The following IFTAP variants were observed in gnomAD, a reference collection of about 807,000 sequenced individuals.
IFTAP encodes intraflagellar transport associated protein, also known as intraflagellar transport-associated protein.
Under a neutral mutation model 19.4 loss-of-function variants are expected in IFTAP, and 19 were observed. The observed-to-expected ratio is 0.98, with a 90% CI of 0.68 to 1.44. The LOEUF is 1.44. Among genes scored for constraint, IFTAP ranks in the 40% most tolerant of loss-of-function variants. IFTAP has a pLI of 0.00. For missense variants in IFTAP, 240 were observed against 253.6 expected, an observed-to-expected ratio of 0.95 and a Z score of 0.36; for synonymous variants, 85 against 83.5, an observed-to-expected ratio of 1.02 and a Z score of -0.10.
chr11:36,607,533 T>C (rs1287845249), intron 1 of IFTAP, among the ~76,000 whole-genome samples: 2 of 152,086 alleles, frequency 1.3e-5, no homozygotes, highest in Non-Finnish European at 2.9e-5. Flanking sequence ...AAGGCATAAG[T>C]ACTCTCATGT....
At chr11:36,643,307 T>C (rs1213730510) in intron 4 of IFTAP, among the ~76,000 whole-genome samples, 1 of 152,150 alleles carries the variant, frequency 6.6e-6, no homozygotes, top group East Asian at 1.9e-4. Context: ...GAAGGACCTC[T>C]TCAAGGAGAA....
chr11:36,650,214 A>G (rs1715961183), intron 5 of IFTAP, among the ~76,000 whole-genome samples: 1 of 152,116 alleles, frequency 6.6e-6, no homozygotes, highest in South Asian at 2.1e-4. Flanking sequence ...CTGAAAGGCC[A>G]TTTTGGGATT....
chr11:36,634,612 A>G (rs1236712455), intron 3 of IFTAP, among the ~76,000 whole-genome samples: 1 of 152,064 alleles, frequency 6.6e-6, no homozygotes, highest in African/African-American at 2.4e-5. Flanking sequence ...GCCAAAAAGT[A>G]TTTTTTCAGA....
intron 4 of IFTAP, among the ~76,000 whole-genome samples, chr11:36,639,884 C>T (rs1030064223): frequency 2.6e-5 from 4 of 152,164 alleles, no homozygotes; most frequent in Non-Finnish European, 5.9e-5. Flanking sequence ...ATGATCACAT[C>T]GGTTACCTCT....
At chr11:36,601,636 TTTA>T (rs1250508578) in intron 1 of IFTAP, among the ~76,000 whole-genome samples, 2 of 152,142 alleles carry the variant, frequency 1.3e-5, no homozygotes, top group Non-Finnish European at 2.9e-5. Flanking sequence ...TGTGATTCTT[TTTA>T]TTTTTTATTT....
intron 5 of IFTAP, among the ~76,000 whole-genome samples, chr11:36,651,878 T>A (rs928726745): frequency 3.9e-5 from 6 of 152,222 alleles, no homozygotes. Flanking sequence ...TGTGGTATTA[T>A]TTCTGAGGGC....
rs569164982 is a variant in IFTAP at position 36,644,564 on chromosome 11, G to A, written c.359-3452G>A. ...CACATGCACACGTATGTTCATTGTG[G>A]CACTATTCACAATAGCAAAGAGTTG... On this transcript the variant is annotated intron_variant, in intron 4 of 5. Transcript: ENST00000334307. 3.5e-3 allele frequency among the ~76,000 whole-genome samples: 537 copies of A among 152,166 alleles called. 2 individuals are homozygous for A. Among genetic ancestry groups the A allele is most frequent in the African/African-American group, 0.012 (508 of 41,524 alleles).
intron 2 of IFTAP, among the ~76,000 whole-genome samples, chr11:36,633,057 G>A (rs1852789261): frequency 6.6e-6 from 1 of 151,212 alleles, no homozygotes; most frequent in Admixed American, 6.6e-5. Flanking sequence ...TGCTGGATAT[G>A]TAATAGGCAC....
At chr11:36,622,150 CAT>C (rs1292504973) in intron 2 of IFTAP, among the ~76,000 whole-genome samples, 1 of 145,732 alleles carries the variant, frequency 6.9e-6, no homozygotes, top group Non-Finnish European at 1.5e-5. Context: ...ATGTGAAAGA[CAT>C]ATATAATTTA....
chr11:36,651,005 G>A (rs11033737), intron 5 of IFTAP, among the ~76,000 whole-genome samples: 2,053 of 152,156 alleles, frequency 0.013, 28 homozygotes, highest in African/African-American at 0.038. Flanking sequence ...GAATAATGCC[G>A]CAATAAACAT....
chr11:36,621,591 G>A (rs1322688856), intron 2 of IFTAP, among the ~76,000 whole-genome samples: 1 of 151,950 alleles, frequency 6.6e-6, no homozygotes, highest in East Asian at 1.9e-4. Flanking sequence ...TTAGAAGATT[G>A]GGGTTGTAGG....
intron 4 of IFTAP, among the ~76,000 whole-genome samples, chr11:36,639,629 T>G (rs1318917608): frequency 6.6e-6 from 1 of 151,960 alleles, no homozygotes; most frequent in Non-Finnish European, 1.5e-5. Flanking sequence ...TGCCAGGCTC[T>G]TTTCAACAAT....
chr11:36,635,541 A>G (rs1852913017), intron 3 of IFTAP, among the ~76,000 whole-genome samples: 1 of 152,082 alleles, frequency 6.6e-6, no homozygotes. Flanking sequence ...CCCTGCTCAC[A>G]TCTCTTGTGA....
At chr11:36,655,257 C>T (rs1376884558) in intron 5 of IFTAP, among the ~76,000 whole-genome samples, 2 of 152,066 alleles carry the variant, frequency 1.3e-5, no homozygotes, top group African/African-American at 4.8e-5. Context: ...GGAAACTCCC[C>T]GTCAGCAAAG....
chr11:36,625,528 G>A (rs1011394656), intron 2 of IFTAP, among the ~76,000 whole-genome samples: 5 of 152,012 alleles, frequency 3.3e-5, no homozygotes, highest in African/African-American at 9.7e-5. Flanking sequence ...CACTTGTATG[G>A]ATATTTGTTT....
chr11:36,641,093 T>G (rs982145940), intron 4 of IFTAP, among the ~76,000 whole-genome samples: 20 of 152,132 alleles, frequency 1.3e-4, no homozygotes, highest in Admixed American at 1.2e-3. Context: ...CAACTACCTA[T>G]CTATATGAGT....
Position 36,636,169 on chromosome 11 carries a change from A to G in IFTAP, c.358+52A>G, listed in dbSNP as rs768090838. Reference sequence around the variant, plus strand: ...TACCTGACCTCTTTCTAGAAACTACAAATAAGGCTTTAGACAGCTTTCCTG... The same window carrying G: ...TACCTGACCTCTTTCTAGAAACTACGAATAAGGCTTTAGACAGCTTTCCTG... On this transcript the variant is annotated intron_variant, in intron 4 of 5. Coordinates refer to ENST00000334307, the MANE Select transcript of IFTAP (RefSeq NM_138787.4). The G allele has an allele frequency of 1.3e-5, 18 of 1,383,994 alleles. No individual in the cohort carries two copies. In the South Asian group the frequency reaches 1.8e-4, roughly 14 times the overall value. 85.7% of individuals were successfully genotyped at this position (1,383,994 alleles called of 1,614,324 possible).
chr11:36,639,723 T>A (rs1853120136), intron 4 of IFTAP, among the ~76,000 whole-genome samples: 1 of 152,126 alleles, frequency 6.6e-6, no homozygotes, highest in Admixed American at 6.5e-5. Context: ...TCCTGAGGGA[T>A]CTACTCTGAA....
intron 4 of IFTAP, among the ~76,000 whole-genome samples, chr11:36,642,643 A>C (rs960691314): frequency 6.6e-6 from 1 of 152,184 alleles, no homozygotes; most frequent in Non-Finnish European, 1.5e-5. Context: ...GCAGCACATC[A>C]AAAAGCTTAC....
Sources: gnomAD v4.1 joint callset for allele counts (sites outside exome capture counted in the v4.1 genomes callset) on GRCh38, gnomAD v4.1.1 for gene constraint, MANE v1.5 for transcripts, NCBI Gene and HGNC (gene_info 2026-07-23, HGNC 2026-07-21) for gene names.